The following MTREX variants were observed in gnomAD, a reference collection of about 807,000 sequenced individuals.
MTREX encodes Mtr4 exosome RNA helicase, also known as exosome RNA helicase MTR4.
MTREX carries 76 observed loss-of-function variants against 135.4 expected under a neutral mutation model. The ratio of observed to expected loss-of-function variants is 0.56; its 90% CI spans 0.47 to 0.68. The LOEUF is 0.68. MTREX is among the 30% of genes least tolerant of loss of function. MTREX has a pLI of 0.00. For synonymous variants in MTREX, 404 were observed against 401.6 expected, an observed-to-expected ratio of 1.01 and a Z score of -0.07; for missense variants, 920 against 1,262.1, an observed-to-expected ratio of 0.73 and a Z score of 4.11.
intron 1 of MTREX, among the ~76,000 whole-genome samples, chr5:55,320,772 C>T (rs1226442142): frequency 6.6e-6 from 1 of 152,168 alleles, no homozygotes; most frequent in African/African-American, 2.4e-5. Flanking sequence ...TTGCACAATT[C>T]ATGACTAAAT....
chr5:55,407,421 C>T (rs927758191), intron 22 of MTREX, among the ~76,000 whole-genome samples: 9 of 152,084 alleles, frequency 5.9e-5, no homozygotes, highest in African/African-American at 2.2e-4. Context: ...CTAATAATTA[C>T]CTGTTTTACA....
intron 5 of MTREX, among the ~76,000 whole-genome samples, chr5:55,336,975 G>A (rs1749564436): frequency 6.6e-6 from 1 of 152,172 alleles, no homozygotes; most frequent in African/African-American, 2.4e-5. Context: ...ATAAGACTTT[G>A]TGTATTTGGC....
At chr5:55,401,524 C>G (rs1485958345) in intron 21 of MTREX, among the ~76,000 whole-genome samples, 1 of 152,188 alleles carries the variant, frequency 6.6e-6, no homozygotes, top group Non-Finnish European at 1.5e-5. Flanking sequence ...ATTGATGGAT[C>G]ATATGGTAAC....
intron 1 of MTREX, among the ~76,000 whole-genome samples, chr5:55,321,757 C>A (rs577396481): frequency 6.6e-6 from 1 of 151,966 alleles, no homozygotes; most frequent in Non-Finnish European, 1.5e-5. Flanking sequence ...TACAGGCATG[C>A]GCCATCATAC....
chr5:55,314,179 G>C (rs2112020189), intron 1 of MTREX, among the ~76,000 whole-genome samples: 1 of 152,304 alleles, frequency 6.6e-6, no homozygotes, highest in Middle Eastern at 3.4e-3. Flanking sequence ...CTAGGTCAAA[G>C]AGTAACTAAG....
At position 55,397,503 on chromosome 5, in the gene MTREX, CAG is replaced by C. The variant is rs749868614; in HGVS notation, c.2272_2273del (p.Ser758CysfsTer14). 1.9e-6 allele frequency: 3 copies of C among 1,605,922 alleles called. No individual in the cohort carries two copies. Among genetic ancestry groups the C allele is most frequent in the East Asian group, 2.2e-5 (1 of 44,810 alleles). Reference protein sequence around the residue: ...PKDLRPVDNRQSVLKSIQEVQ... With the variant: ...PKDLRPVDNRXSVLKSIQEVQ... ...AGACCTTCGGCCGGTGGACAATAGA[CAG>C]AGTGTTTTAAAATCAATACAGGTAT... On this transcript the variant is annotated frameshift_variant, in exon 20 of 27. Transcript: ENST00000230640. LOFTEE classifies it high-confidence loss of function.
rs1749406871 is a variant in MTREX at position 55,327,782 on chromosome 5, T to C, written c.402+4T>C. 1 of 1,607,442 alleles carries C rather than the reference T, an allele frequency of 6.2e-7. No individual in the cohort carries two copies. The highest frequency in any genetic ancestry group is 1.7e-5 in the Admixed American group (1 of 59,964). On this transcript the variant is annotated splice_donor_region_variant and intron_variant, in intron 4 of 26. Transcript: ENST00000230640. ...ACGAGTTGGAAAAGCTGCTAAGGTC[T>C]GTACTTTGGGTAATACAGTTTATAT...
At chr5:55,356,885 G>GGTGGTAGAGCAGATT in intron 14 of MTREX, 1 of 168,398 alleles carries the variant, frequency 5.9e-6, no homozygotes, top group Non-Finnish European at 1.3e-5. Flanking sequence ...GTGCCTGGAT[G>GGTGGTAGAGCAGATT]GTGGTAGAGC....
At chr5:55,399,578 C>T (rs1202796611) in intron 20 of MTREX, among the ~76,000 whole-genome samples, 1 of 152,166 alleles carries the variant, frequency 6.6e-6, no homozygotes, top group Non-Finnish European at 1.5e-5. Flanking sequence ...AGCTCCACCT[C>T]CCGGGTTCAC....
At chr5:55,415,508 T>C (rs1466174442) in intron 24 of MTREX, among the ~76,000 whole-genome samples, 10 of 152,222 alleles carry the variant, frequency 6.6e-5, no homozygotes, top group Non-Finnish European at 4.4e-5. Flanking sequence ...TTTGGCCTTT[T>C]AGATTGCCAA....
chr5:55,414,869 C>T (rs1289534356), intron 24 of MTREX, among the ~76,000 whole-genome samples: 3 of 152,032 alleles, frequency 2.0e-5, no homozygotes, highest in Non-Finnish European at 2.9e-5. Context: ...AGGCTGGTCT[C>T]GAACTCCTGA....
intron 16 of MTREX, among the ~76,000 whole-genome samples, chr5:55,370,933 A>G (rs1046022796): frequency 1.3e-5 from 2 of 152,214 alleles, no homozygotes; most frequent in Admixed American, 6.5e-5. Context: ...ATTCATTGTA[A>G]CAAATAGATG....
intron 19 of MTREX, among the ~76,000 whole-genome samples, chr5:55,396,263 G>C (rs536042607): frequency 1.3e-5 from 2 of 152,240 alleles, no homozygotes; most frequent in Admixed American, 1.3e-4. Context: ...ATGATCCTTG[G>C]CTGGACCCTG....
chr5:55,378,604 T>C (rs1750344927), intron 17 of MTREX, 118 bp downstream of exon 17: 1 of 1,143,104 alleles, frequency 8.7e-7, no homozygotes, highest in Non-Finnish European at 1.2e-6. Context: ...ATAGTTGATC[T>C]ATATTAATCA....
At chr5:55,420,554 A>G (rs1032318608) in intron 25 of MTREX, among the ~76,000 whole-genome samples, 4 of 152,170 alleles carry the variant, frequency 2.6e-5, no homozygotes, top group Non-Finnish European at 4.4e-5. Flanking sequence ...AGACATACTG[A>G]CTCATGCTAC....
At chr5:55,374,965 C>T (rs1173140897) in intron 16 of MTREX, among the ~76,000 whole-genome samples, 1 of 152,082 alleles carries the variant, frequency 6.6e-6, no homozygotes, top group Non-Finnish European at 1.5e-5. Flanking sequence ...CCAGGGGAGA[C>T]ATCACATGTC....
At chr5:55,399,483 ATTTTTTAT>A (rs1158536399) in intron 20 of MTREX, among the ~76,000 whole-genome samples, 1 of 151,998 alleles carries the variant, frequency 6.6e-6, no homozygotes, top group Non-Finnish European at 1.5e-5. Flanking sequence ...AGGACCTTTT[ATTTTTTAT>A]TTTTTTATTT....
intron 1 of MTREX, among the ~76,000 whole-genome samples, chr5:55,317,924 C>G (rs2112025505): frequency 6.6e-6 from 1 of 151,970 alleles, no homozygotes. Flanking sequence ...CTTAAATTTA[C>G]AGGAGAAAAA....
At chr5:55,404,039 A>G (rs1176225361) in intron 21 of MTREX, among the ~76,000 whole-genome samples, 2 of 152,180 alleles carry the variant, frequency 1.3e-5, no homozygotes, top group African/African-American at 2.4e-5. Flanking sequence ...TTAGTTCCCT[A>G]CCTTTTAGGA....
Sources: gnomAD v4.1 joint callset for allele counts (sites outside exome capture counted in the v4.1 genomes callset) on GRCh38, gnomAD v4.1.1 for gene constraint, MANE v1.5 for transcripts, NCBI Gene and HGNC (gene_info 2026-07-23, HGNC 2026-07-21) for gene names.